Variants in MAGI2 observed in about 807,000 individuals in gnomAD.
The protein encoded by MAGI2 is membrane-associated guanylate kinase, WW and PDZ domain-containing protein 2.
In MAGI2, 35 loss-of-function variants were observed where a neutral mutation model predicts 133.3. That is an observed-to-expected ratio of 0.26 (90% CI 0.20 to 0.35). The LOEUF (loss-of-function observed/expected upper bound fraction) is 0.35, where lower values mean the gene tolerates loss of function less well. MAGI2 is among the 10% of genes least tolerant of loss of function. The pLI, the probability that MAGI2 is intolerant of heterozygous loss-of-function variation, is 1.00. For missense variants in MAGI2, 1,636 were observed against 1,863.4 expected (o/e 0.88, Z 2.25); for synonymous variants, 729 against 710.6 (o/e 1.03, Z -0.41).
intron 2 of MAGI2, among the ~76,000 whole-genome samples, chr7:78,746,623 C>T (rs1478903600): frequency 6.6e-6 from 1 of 152,200 alleles, no homozygotes; most frequent in Admixed American, 6.5e-5. Context: ...CTGCAGCCAA[C>T]CAACCTACAT....
intron 9 of MAGI2, among the ~76,000 whole-genome samples, chr7:78,338,116 G>C (rs895539828): frequency 2.3e-4 from 35 of 152,126 alleles, no homozygotes; most frequent in Non-Finnish European, 3.5e-4. Flanking sequence ...TTTTTTATTT[G>C]AGGATATATG....
intron 10 of MAGI2, among the ~76,000 whole-genome samples, chr7:78,241,664 G>GGCTCAC (rs1444200403): frequency 6.6e-6 from 1 of 152,142 alleles, no homozygotes; most frequent in Non-Finnish European, 1.5e-5. Flanking sequence ...CAGGTGCAGT[G>GGCTCAC]GCTCACGCCT....
intron 3 of MAGI2, among the ~76,000 whole-genome samples, chr7:78,625,248 A>G (rs953623866): frequency 1.3e-5 from 2 of 152,122 alleles, no homozygotes; most frequent in African/African-American, 4.8e-5. Context: ...TAAGATTTAA[A>G]CTGACAAATA....
At chr7:78,041,396 C>A (rs1345664690) in intron 21 of MAGI2, among the ~76,000 whole-genome samples, 1 of 152,196 alleles carries the variant, frequency 6.6e-6, no homozygotes, top group Non-Finnish European at 1.5e-5. Context: ...TGGAAAGGCA[C>A]CAGGTGTGGT....
intron 6 of MAGI2, among the ~76,000 whole-genome samples, chr7:78,441,905 C>T (rs549763514): frequency 2.3e-4 from 35 of 152,266 alleles, no homozygotes; most frequent in South Asian, 8.3e-4. Context: ...CTTTTCCTCT[C>T]GTCCTCCTAG....
chr7:79,201,997 CATT>C (rs1352108569), intron 1 of MAGI2, among the ~76,000 whole-genome samples: 1 of 151,788 alleles, frequency 6.6e-6, no homozygotes, highest in Non-Finnish European at 1.5e-5. Context: ...TGATTAAAGA[CATT>C]AGTTGAATTT....
intron 3 of MAGI2, among the ~76,000 whole-genome samples, chr7:78,562,748 T>A (rs1000106708): frequency 2.6e-5 from 4 of 152,202 alleles, no homozygotes; most frequent in Admixed American, 1.3e-4. Context: ...ATTGGATGTG[T>A]GCTAGGCAGA....
Position 79,313,528 on chromosome 7 carries a change from A to G in MAGI2, c.301+139492T>C, listed in dbSNP as rs556453458. Among the ~76,000 whole-genome samples the G allele has an allele frequency of 5.3e-5, 8 of 152,246 alleles. No individual in the cohort carries two copies. The South Asian group carries it at 1.7e-3, about 32-fold the overall frequency. On this transcript the variant is annotated intron_variant, in intron 1 of 21. Coordinates refer to ENST00000354212, the MANE Select transcript of MAGI2 (RefSeq NM_012301.4). Reference sequence around the variant, plus strand: ...ATTAATCTCCAACTATACATGATACAATCGATTCAATTTTGGCATTGTTGC... The same window carrying G: ...ATTAATCTCCAACTATACATGATACGATCGATTCAATTTTGGCATTGTTGC...
chr7:79,124,083 G>A (rs925326726), intron 1 of MAGI2, among the ~76,000 whole-genome samples: 1 of 151,990 alleles, frequency 6.6e-6, no homozygotes, highest in Non-Finnish European at 1.5e-5. Flanking sequence ...GAGGGCATTT[G>A]TTACAATGAA....
intron 2 of MAGI2, among the ~76,000 whole-genome samples, chr7:78,846,742 T>C (rs1792648816): frequency 6.6e-6 from 1 of 152,028 alleles, no homozygotes; most frequent in Admixed American, 6.6e-5. Context: ...AGATGGTCTC[T>C]CAGCATTTTT....
chr7:78,765,699 T>C (rs1218608025), intron 2 of MAGI2, among the ~76,000 whole-genome samples: 1 of 152,060 alleles, frequency 6.6e-6, no homozygotes, highest in East Asian at 1.9e-4. Context: ...TACAGATAGA[T>C]ACGGTTGTGA....
At chr7:78,421,759 G>C (rs1798819796) in intron 6 of MAGI2, among the ~76,000 whole-genome samples, 1 of 152,128 alleles carries the variant, frequency 6.6e-6, no homozygotes, top group African/African-American at 2.4e-5. Context: ...GGCCGTGATA[G>C]TGCCACTGCA....
At chr7:78,954,480 G>A (rs1802132280) in intron 2 of MAGI2, among the ~76,000 whole-genome samples, 1 of 152,216 alleles carries the variant, frequency 6.6e-6, no homozygotes, top group South Asian at 2.1e-4. Flanking sequence ...TACACTAATT[G>A]AGCCTAACTG....
intron 21 of MAGI2, among the ~76,000 whole-genome samples, chr7:78,040,811 C>A (rs1334951394): frequency 6.6e-6 from 1 of 152,158 alleles, no homozygotes; most frequent in Admixed American, 6.5e-5. Flanking sequence ...TGTTGACTGG[C>A]ACGGAAATAA....
At chr7:78,895,502 A>G (rs747641720) in intron 2 of MAGI2, among the ~76,000 whole-genome samples, 1 of 143,052 alleles carries the variant, frequency 7.0e-6, no homozygotes, top group Non-Finnish European at 1.5e-5. Context: ...GTTGCTTTAC[A>G]AAATGTTTAT....
At chr7:79,306,995 T>C (rs2129560244) in intron 1 of MAGI2, among the ~76,000 whole-genome samples, 1 of 152,208 alleles carries the variant, frequency 6.6e-6, no homozygotes, top group South Asian at 2.1e-4. Context: ...TTTTTCTTTT[T>C]CTTTTTTGTA....
chr7:78,618,082 G>A (rs1807303324), intron 3 of MAGI2: 2 of 151,994 alleles, frequency 1.3e-5, no homozygotes, highest in Admixed American at 1.3e-4. Flanking sequence ...ACAAATCTCT[G>A]AAAAACCTCT....
At chr7:78,370,018 A>C (rs1302198766) in intron 6 of MAGI2, among the ~76,000 whole-genome samples, 1 of 152,098 alleles carries the variant, frequency 6.6e-6, no homozygotes, top group Non-Finnish European at 1.5e-5. Flanking sequence ...ATGAATTTTT[A>C]CATATATAGA....
At chr7:79,059,978 A>C (rs984323457) in intron 1 of MAGI2, among the ~76,000 whole-genome samples, 1 of 152,124 alleles carries the variant, frequency 6.6e-6, no homozygotes, top group African/African-American at 2.4e-5. Context: ...CTAATGAGTA[A>C]TGTATGAGGT....
Sources: gnomAD v4.1 joint callset for allele counts (sites outside exome capture counted in the v4.1 genomes callset) on GRCh38, gnomAD v4.1.1 for gene constraint, MANE v1.5 for transcripts, NCBI Gene and HGNC (gene_info 2026-07-23, HGNC 2026-07-21) for gene names.